Variants in IL1RAPL1 observed in about 807,000 individuals in gnomAD.
IL1RAPL1 encodes the protein interleukin 1 receptor accessory protein like 1.
In IL1RAPL1, 3 loss-of-function variants were observed where a neutral mutation model predicts 48.4. The observed-to-expected ratio is 0.06, with a 90% confidence interval of 0.03 to 0.16. The LOEUF is 0.16. Among genes scored for constraint, IL1RAPL1 ranks in the 10% least tolerant of loss-of-function variants. The probability of loss-of-function intolerance (pLI) is 1.00; values close to 1 mark genes in which losing one functional copy is unlikely to be tolerated. For synonymous variants in IL1RAPL1, 185 were observed against 187.7 expected (o/e 0.99, Z 0.12); for missense variants, 349 against 530.6 (o/e 0.66, Z 3.36).
chrX:29,562,123 T>G (rs1251726292), intron 5 of IL1RAPL1, among the ~76,000 whole-genome samples: 5 of 51,205 alleles, frequency 9.8e-5, no homozygotes, highest in Non-Finnish European at 1.4e-4. Flanking sequence ...CTAATCTATC[T>G]ATCTATCTAT....
intron 3 of IL1RAPL1, among the ~76,000 whole-genome samples, chrX:29,384,942 G>A (rs1933755410): frequency 8.9e-6 from 1 of 111,887 alleles, no homozygotes; most frequent in Admixed American, 9.5e-5. Context: ...AATGCATTAA[G>A]TCTTTTTGAA....
chrX:29,443,125 A>T (rs73213964), intron 5 of IL1RAPL1, among the ~76,000 whole-genome samples: 21 of 110,408 alleles, frequency 1.9e-4, no homozygotes, highest in Non-Finnish European at 3.8e-4. Context: ...TAGTAGAATC[A>T]TATATATGGA....
At chrX:28,854,460 A>G (rs1188217391) in intron 2 of IL1RAPL1, among the ~76,000 whole-genome samples, 1 of 92,622 alleles carries the variant, frequency 1.1e-5, no homozygotes, top group East Asian at 3.9e-4. Context: ...GAAGTTTAGG[A>G]AGATGTGAAA....
intron 2 of IL1RAPL1, among the ~76,000 whole-genome samples, chrX:29,003,488 AAGCCACCGAAGGTGATT>A (rs2147389679): frequency 8.9e-6 from 1 of 112,175 alleles, no homozygotes; most frequent in South Asian, 3.7e-4. Flanking sequence ...GGGCACAGGG[AAGCCACCGAAGGTGATT>A]TCTGAGATTC....
intron 6 of IL1RAPL1, among the ~76,000 whole-genome samples, chrX:29,839,658 G>C (rs1170641525): frequency 1.8e-5 from 2 of 112,574 alleles, no homozygotes; most frequent in Admixed American, 1.9e-4. Context: ...CACTTTGGGA[G>C]GCTCACGCCT....
intron 6 of IL1RAPL1, among the ~76,000 whole-genome samples, chrX:29,711,169 A>G (rs779176264): frequency 1.0e-5 from 1 of 99,671 alleles, no homozygotes; most frequent in Non-Finnish European, 2.0e-5. Context: ...TCAGTTAATC[A>G]GGTCCTTTTT....
intron 2 of IL1RAPL1, among the ~76,000 whole-genome samples, chrX:29,157,251 C>T (rs937244418): frequency 1.8e-5 from 2 of 111,351 alleles, no homozygotes; most frequent in Non-Finnish European, 3.8e-5. Context: ...ATGGCACAAC[C>T]TCAAATGAGT....
At chrX:28,759,162 C>T (rs1216611504) in intron 1 of IL1RAPL1, among the ~76,000 whole-genome samples, 2 of 110,271 alleles carry the variant, frequency 1.8e-5, no homozygotes, top group African/African-American at 3.3e-5. Flanking sequence ...CGCTTGATCC[C>T]GGGAGGCGGA....
intron 3 of IL1RAPL1, among the ~76,000 whole-genome samples, chrX:29,375,394 G>A (rs761674249): frequency 3.4e-4 from 38 of 111,119 alleles, no homozygotes; most frequent in Non-Finnish European, 6.2e-4. Context: ...TCAAACTCCT[G>A]ACCTCAGGTG....
rs936028133 is a variant in IL1RAPL1, at chrX:29,393,312, G to T, written c.363-2946G>T. On this transcript the variant is annotated intron_variant, in intron 3 of 10. Coordinates refer to ENST00000378993, the MANE Select transcript of IL1RAPL1 (RefSeq NM_014271.4). The stretch of plus-strand genomic sequence containing the variant: ...AATTTCTTGTATTTTCAGTGGAGAC[G>T]GGGTTTCCCCATGTTAGCCAGGATG... 2.7e-5 allele frequency among the ~76,000 whole-genome samples: 3 copies of T among 111,837 alleles called. No individual in the cohort carries two copies. The Admixed American group carries it at 2.8e-4, about 11-fold the overall frequency.
intron 6 of IL1RAPL1, among the ~76,000 whole-genome samples, chrX:29,851,840 T>C (rs997094128): frequency 3.6e-5 from 4 of 112,592 alleles, no homozygotes; most frequent in African/African-American, 1.3e-4. Context: ...AACAAGAAGC[T>C]GTTCTTTGTT....
intron 2 of IL1RAPL1, among the ~76,000 whole-genome samples, chrX:29,204,427 T>C (rs931407359): frequency 8.9e-6 from 1 of 111,746 alleles, no homozygotes; most frequent in Non-Finnish European, 1.9e-5. Flanking sequence ...TGGGCTGAGA[T>C]GACATCTCAT....
intron 2 of IL1RAPL1, among the ~76,000 whole-genome samples, chrX:28,974,089 G>A (rs1925148323): frequency 9.0e-6 from 1 of 111,666 alleles, no homozygotes; most frequent in South Asian, 3.7e-4. Context: ...GGCCTGCAGA[G>A]GGGGACCAAG....
At chrX:28,939,565 A>T in intron 2 of IL1RAPL1, among the ~76,000 whole-genome samples, 1 of 110,963 alleles carries the variant, frequency 9.0e-6, no homozygotes, top group Non-Finnish European at 1.9e-5. Flanking sequence ...ATTACAAAAA[A>T]ATAACGATTG....
At chrX:28,892,008 A>G in intron 2 of IL1RAPL1, among the ~76,000 whole-genome samples, 1 of 111,865 alleles carries the variant, frequency 8.9e-6, no homozygotes, top group South Asian at 3.7e-4. Context: ...TTGGATATTC[A>G]TATATCTTCT....
At chrX:29,237,067 A>G (rs927891192) in intron 2 of IL1RAPL1, among the ~76,000 whole-genome samples, 12 of 111,160 alleles carry the variant, frequency 1.1e-4, no homozygotes, top group African/African-American at 3.3e-4. Context: ...ATTCATGCTC[A>G]CAGCCCAGAG....
intron 5 of IL1RAPL1, among the ~76,000 whole-genome samples, chrX:29,478,234 AT>A (rs964037954): frequency 1.8e-5 from 2 of 112,366 alleles, no homozygotes; most frequent in African/African-American, 3.2e-5. Context: ...AGACTTCTCT[AT>A]TTCAGAAAAC....
chrX:29,080,021 T>C (rs1428073017), intron 2 of IL1RAPL1, among the ~76,000 whole-genome samples: 1 of 111,571 alleles, frequency 9.0e-6, no homozygotes, highest in Non-Finnish European at 1.9e-5. Context: ...AGGTTTTTGT[T>C]TGTTCTATTT....
chrX:28,756,575 G>A (rs1936107432), intron 1 of IL1RAPL1, among the ~76,000 whole-genome samples: 1 of 112,073 alleles, frequency 8.9e-6, no homozygotes, highest in Non-Finnish European at 1.9e-5. Flanking sequence ...TTCTCCAAAT[G>A]TCCCAACCTC....
Sources: allele counts gnomAD v4.1 joint callset (sites outside exome capture counted in the v4.1 genomes callset), GRCh38; gene constraint gnomAD v4.1.1; transcripts MANE v1.5; gene names NCBI Gene and HGNC (gene_info 2026-07-23, HGNC 2026-07-21).